DNER: variants seen among roughly 807,000 people sequenced by gnomAD.
The protein encoded by DNER is delta/notch like EGF repeat containing, also known as delta and Notch-like epidermal growth factor-related receptor.
Under a neutral mutation model 78.2 loss-of-function variants are expected in DNER, and 33 were observed. That is an observed-to-expected ratio of 0.42 (90% confidence interval 0.32 to 0.56). The LOEUF (loss-of-function observed/expected upper bound fraction) is 0.56. DNER is among the 20% of genes least tolerant of loss of function. The pLI is 0.11. For missense variants in DNER, 918 were observed against 975.3 expected, an observed-to-expected ratio of 0.94 and a Z score of 0.78; for synonymous variants, 417 against 384.8, an observed-to-expected ratio of 1.08 and a Z score of -0.98.
intron 8 of DNER, among the ~76,000 whole-genome samples, chr2:229,422,986 A>C (rs1693798906): frequency 6.6e-6 from 1 of 152,148 alleles, no homozygotes; most frequent in South Asian, 2.1e-4. Context: ...AAGAATGACC[A>C]CTGGACTAGA....
At chr2:229,660,901 T>A (rs1270837866) in intron 1 of DNER, among the ~76,000 whole-genome samples, 2 of 152,184 alleles carry the variant, frequency 1.3e-5, no homozygotes, top group East Asian at 3.8e-4. Context: ...GTTGAATGAT[T>A]GCAGCCCATC....
intron 1 of DNER, among the ~76,000 whole-genome samples, chr2:229,705,048 A>G (rs774774521): frequency 1.3e-5 from 2 of 152,206 alleles, no homozygotes; most frequent in Non-Finnish European, 2.9e-5. Flanking sequence ...TCTGACTTCA[A>G]CGCGGTGGGA....
chr2:229,618,528 A>G (rs1175654498), intron 1 of DNER, among the ~76,000 whole-genome samples: 1 of 152,154 alleles, frequency 6.6e-6, no homozygotes, highest in Non-Finnish European at 1.5e-5. Flanking sequence ...CATGTGATGT[A>G]GCTCGCCACG....
intron 7 of DNER, among the ~76,000 whole-genome samples, chr2:229,463,169 C>T (rs536360488): frequency 1.3e-5 from 2 of 152,208 alleles, no homozygotes; most frequent in South Asian, 4.1e-4. Flanking sequence ...TTTCCTCTCA[C>T]CATTGTGCCT....
intron 10 of DNER, among the ~76,000 whole-genome samples, chr2:229,402,655 A>G (rs552359886): frequency 6.6e-6 from 1 of 152,332 alleles, no homozygotes; most frequent in East Asian, 1.9e-4. Flanking sequence ...GGCTTGGAAG[A>G]ATCTTTGGCT....
At chr2:229,425,000 A>G (rs1400513029) in intron 8 of DNER, among the ~76,000 whole-genome samples, 1 of 152,216 alleles carries the variant, frequency 6.6e-6, no homozygotes, top group Non-Finnish European at 1.5e-5. Context: ...TCCTTTTTAT[A>G]AGATGAAAAC....
intron 1 of DNER, among the ~76,000 whole-genome samples, chr2:229,646,288 C>G (rs1467885085): frequency 2.6e-5 from 4 of 151,992 alleles, no homozygotes; most frequent in Non-Finnish European, 4.4e-5. Context: ...GCTTGGATTG[C>G]CAAGAAAAAA....
chr2:229,513,603 C>A (rs6706175), intron 5 of DNER, among the ~76,000 whole-genome samples: 31 of 152,170 alleles, frequency 2.0e-4, no homozygotes, highest in African/African-American at 7.5e-4. Flanking sequence ...ACAAACAAAA[C>A]TGGGTTTCTG....
At chr2:229,671,236 G>A (rs1376266473) in intron 1 of DNER, among the ~76,000 whole-genome samples, 1 of 152,154 alleles carries the variant, frequency 6.6e-6, no homozygotes, top group Admixed American at 6.5e-5. Context: ...TCACTCATCA[G>A]GAGGCTCCAA....
intron 4 of DNER, among the ~76,000 whole-genome samples, chr2:229,583,863 C>CT (rs1697446874): frequency 6.6e-6 from 1 of 152,180 alleles, no homozygotes; most frequent in African/African-American, 2.4e-5. Context: ...AAACACCAGT[C>CT]TGAAGTGAAA....
At chr2:229,704,608 GA>G (rs55970138) in intron 1 of DNER, among the ~76,000 whole-genome samples, 145,410 of 152,286 alleles carry the variant, frequency 0.95, 69,787 homozygotes, top group Middle Eastern at 1. Flanking sequence ...TGACGTTCTA[GA>G]AAAAATGCAA....
intron 1 of DNER, among the ~76,000 whole-genome samples, chr2:229,679,579 A>G (rs2154217069): frequency 6.6e-6 from 1 of 152,286 alleles, no homozygotes; most frequent in Admixed American, 6.5e-5. Flanking sequence ...CTCAAAAGGT[A>G]TGTCATAACT....
chr2:229,594,799 C>A (rs895136562), intron 1 of DNER, among the ~76,000 whole-genome samples: 1 of 151,828 alleles, frequency 6.6e-6, no homozygotes, highest in Non-Finnish European at 1.5e-5. Flanking sequence ...TTTTTGTAAG[C>A]AATAGAAAAC....
chr2:229,554,226 T>A (rs1041577137), intron 4 of DNER, among the ~76,000 whole-genome samples: 1 of 152,130 alleles, frequency 6.6e-6, no homozygotes, highest in Admixed American at 6.5e-5. Context: ...GCTAAGAATG[T>A]TTTTAACAGG....
intron 1 of DNER, among the ~76,000 whole-genome samples, chr2:229,660,587 G>A (rs540594265): frequency 6.6e-6 from 1 of 152,076 alleles, no homozygotes; most frequent in East Asian, 1.9e-4. Context: ...GTGGAGAAAT[G>A]GTCCCATTAT....
chr2:229,650,564 G>A (rs996975450), intron 1 of DNER, among the ~76,000 whole-genome samples: 2 of 152,144 alleles, frequency 1.3e-5, no homozygotes, highest in African/African-American at 2.4e-5. Flanking sequence ...TGCATGATGG[G>A]CATTTGGATG....
intron 10 of DNER, among the ~76,000 whole-genome samples, chr2:229,396,621 T>C (rs534507881): frequency 6.6e-6 from 1 of 152,322 alleles, no homozygotes; most frequent in East Asian, 1.9e-4. Flanking sequence ...GGAATTTAAC[T>C]CTGGGGGAGA....
chr2:229,619,597 T>C (rs1302989245), intron 1 of DNER, among the ~76,000 whole-genome samples: 2 of 152,196 alleles, frequency 1.3e-5, no homozygotes, highest in Non-Finnish European at 2.9e-5. Context: ...GATAATGCCC[T>C]TCAGTTACAA....
At chr2:229,516,795 A>G (rs1295088113) in intron 5 of DNER, among the ~76,000 whole-genome samples, 1 of 147,734 alleles carries the variant, frequency 6.8e-6, no homozygotes, top group Non-Finnish European at 1.5e-5. Context: ...TAAAAAAAAA[A>G]AAAAAAAAAG....
Sources: gnomAD v4.1 joint callset for allele counts (sites outside exome capture counted in the v4.1 genomes callset) on GRCh38, gnomAD v4.1.1 for gene constraint, MANE v1.5 for transcripts, NCBI Gene and HGNC (gene_info 2026-07-23, HGNC 2026-07-21) for gene names.